Variants in AHCTF1 observed in about 807,000 individuals in gnomAD.
The protein encoded by AHCTF1 is protein ELYS.
AHCTF1 carries 24 observed loss-of-function variants against 248.4 expected under a neutral mutation model. The observed-to-expected ratio is 0.10, with a 90% CI of 0.07 to 0.14. The LOEUF is 0.14. AHCTF1 is among the 10% of genes least tolerant of loss of function. The probability of loss-of-function intolerance (pLI) is 1.00; values close to 1 mark genes in which losing one functional copy is unlikely to be tolerated. For synonymous variants in AHCTF1, 786 were observed against 929.8 expected, an observed-to-expected ratio of 0.85 and a Z score of 2.81; for missense variants, 2,206 against 2,636.2, an observed-to-expected ratio of 0.84 and a Z score of 3.57.
chr1:246,839,663 T>C lies in AHCTF1; in HGVS notation c.*1143A>G. The C allele has an allele frequency of 9.3e-6, 6 of 643,346 alleles. No individual in the cohort carries two copies. The highest frequency in any genetic ancestry group is 1.2e-5 in the Non-Finnish European group (6 of 517,004). The allele number at this position is 643,346 out of a possible 1,614,324, so 39.9% of individuals were successfully genotyped here. On this transcript the variant is annotated 3_prime_UTR_variant, in exon 36 of 36. Transcript: ENST00000648844. ...AAAGCACACTGCATATGCTTCACAT[T>C]AAAATATTAAAAGCCCACGAAAGCA... is the stretch of plus-strand genomic sequence containing the variant.
At position 246,863,951 on chromosome 1, in the gene AHCTF1, A is replaced by T. The variant is rs757739903; in HGVS notation, c.3513T>A (p.His1171Gln). The T allele has an allele frequency of 3.1e-6, 5 of 1,613,884 alleles. No homozygotes were observed. The South Asian group carries it at 5.5e-5, about 18-fold the overall frequency. The change falls in exon 27 of 36, where the codon CAT becomes CAA. Residue 1171 changes from histidine to glutamine, a missense_variant. Physicochemically the swap from His to Gln is conservative, Grantham distance 24. Transcript: ENST00000648844. ...PQAISRASELHLLETPLVVKK... is the reference protein window; with the variant it reads ...PQAISRASELQLLETPLVVKK... ...TAACTACAAGAGGAGTTTCAAGCAAATGTAATTCTGAAGCCCTGGAGATGG... is the reference window on the plus strand; with the variant it reads ...TAACTACAAGAGGAGTTTCAAGCAATTGTAATTCTGAAGCCCTGGAGATGG...
chr1:246,930,983 C>A, intron 1 of AHCTF1: 2 of 1,197,276 alleles, frequency 1.7e-6, no homozygotes, highest in East Asian at 2.8e-5. Flanking sequence ...CAAAAGAAAC[C>A]GTCCTGTTTC....
chr1:246,922,530 A>G (rs1318383273), intron 1 of AHCTF1, among the ~76,000 whole-genome samples: 4 of 150,824 alleles, frequency 2.7e-5, no homozygotes, highest in Admixed American at 2.0e-4. Flanking sequence ...GGCTCTAGCA[A>G]TCTCTCGTCT....
At chr1:246,919,572 G>A (rs1402841461) in intron 1 of AHCTF1, among the ~76,000 whole-genome samples, 2 of 151,910 alleles carry the variant, frequency 1.3e-5, no homozygotes, top group Non-Finnish European at 2.9e-5. Flanking sequence ...AATTAGCCAG[G>A]CATGGTGGCA....
chr1:246,863,221 T>C (rs2103070903), intron 27 of AHCTF1, among the ~76,000 whole-genome samples: 1 of 152,248 alleles, frequency 6.6e-6, no homozygotes, highest in South Asian at 2.1e-4. Context: ...GTATCTTTTA[T>C]TCAACTTGAA....
intron 24 of AHCTF1, among the ~76,000 whole-genome samples, chr1:246,873,156 T>C (rs1239429374): frequency 6.6e-6 from 1 of 152,212 alleles, no homozygotes; most frequent in Non-Finnish European, 1.5e-5. Flanking sequence ...GGATATTACA[T>C]GTTAAGTAAA....
intron 12 of AHCTF1, among the ~76,000 whole-genome samples, chr1:246,897,557 A>G (rs993916211): frequency 2.0e-5 from 3 of 152,224 alleles, no homozygotes; most frequent in South Asian, 2.1e-4. Flanking sequence ...AGTCAACTAC[A>G]TATCAAGGCT....
intron 13 of AHCTF1, among the ~76,000 whole-genome samples, 192 bp downstream of exon 13, chr1:246,895,643 A>C (rs1664521149): frequency 6.6e-6 from 1 of 152,190 alleles, no homozygotes; most frequent in Non-Finnish European, 1.5e-5. Flanking sequence ...TGCTGACTGT[A>C]CTAAAGGTTT....
At chr1:246,892,397 T>C (rs755592653) in intron 14 of AHCTF1, among the ~76,000 whole-genome samples, 1 of 132,496 alleles carries the variant, frequency 7.5e-6, no homozygotes, top group Non-Finnish European at 1.5e-5. Flanking sequence ...CTCCGCTCAC[T>C]GCAACCTCTA....
chr1:246,842,801 T>C, intron 34 of AHCTF1, 25 bp from the exon 35 acceptor site: 1 of 1,584,992 alleles, frequency 6.3e-7, no homozygotes, highest in Non-Finnish European at 8.7e-7. Context: ...TTTTAAAAGG[T>C]TAAGTATTAA....
intron 11 of AHCTF1, among the ~76,000 whole-genome samples, chr1:246,899,175 A>C (rs1664819948): frequency 6.6e-6 from 1 of 151,912 alleles, no homozygotes; most frequent in African/African-American, 2.4e-5. Flanking sequence ...TCTTTGCATT[A>C]CTTCATTTCC....
At chr1:246,844,085 A>G (rs1470012562) in intron 33 of AHCTF1, among the ~76,000 whole-genome samples, 157 bp from the exon 34 acceptor site, 3 of 152,228 alleles carry the variant, frequency 2.0e-5, no homozygotes, top group Non-Finnish European at 4.4e-5. Flanking sequence ...CCATGTTGGC[A>G]GAGAAACGAC....
chr1:246,922,770 C>T (rs923653156), intron 1 of AHCTF1, among the ~76,000 whole-genome samples: 1 of 150,772 alleles, frequency 6.6e-6, no homozygotes, highest in South Asian at 2.1e-4. Context: ...ATCACGAGGT[C>T]AGGAGATCGA....
chr1:246,885,418 C>A, intron 21 of AHCTF1, 75 bp downstream of exon 21: 1 of 1,274,214 alleles, frequency 7.8e-7, no homozygotes, highest in South Asian at 1.6e-5. Flanking sequence ...TTGTATATTG[C>A]CACTGTCTAT....
At position 246,877,003 on chromosome 1, in the gene AHCTF1, C is replaced by T; in HGVS notation, c.2884G>A (p.Ala962Thr). 6.2e-7 allele frequency: 1 copy of T among 1,612,116 alleles called. No individual in the cohort carries two copies. Among genetic ancestry groups the T allele is most frequent in the Non-Finnish European group, 8.5e-7 (1 of 1,179,930 alleles). Residue 962 changes from alanine (A) to threonine (T), a missense_variant, in exon 23 of 36, where the codon GCC becomes ACC. Physicochemically the swap from Ala to Thr is moderately conservative, Grantham distance 58. Around this residue, in one of 6 missense-constraint regions of AHCTF1, gnomAD observed 955 missense variants for 1,055.6 expected, o/e 0.90. Coordinates refer to ENST00000648844, the MANE Select transcript of AHCTF1 (RefSeq NM_001323342.2). Reference sequence around the variant, plus strand: ...AGCTTCAAGGCAGGCACATAATTGGCACGCTGCAAATGGTGCACTAAAAGG... The same window carrying T: ...AGCTTCAAGGCAGGCACATAATTGGTACGCTGCAAATGGTGCACTAAAAGG... ...EFLLVHHLQR[A>T]NYVPALKLNQ...
chr1:246,870,878 G>A (rs1042177554), intron 24 of AHCTF1, among the ~76,000 whole-genome samples: 25 of 152,182 alleles, frequency 1.6e-4, no homozygotes, highest in South Asian at 2.1e-4. Context: ...TTCCCAATTC[G>A]GGTATTTTAA....
At chr1:246,855,053 A>G (rs572593939) in intron 31 of AHCTF1, among the ~76,000 whole-genome samples, 70 of 152,366 alleles carry the variant, frequency 4.6e-4, no homozygotes, top group African/African-American at 1.6e-3. Context: ...AGCTTGCCGT[A>G]TACCCCATTC....
chr1:246,846,727 T>C (rs1261434581), intron 33 of AHCTF1, among the ~76,000 whole-genome samples: 1 of 151,740 alleles, frequency 6.6e-6, no homozygotes, highest in African/African-American at 2.4e-5. Context: ...TTGAAATATA[T>C]ATACATATAC....
At chr1:246,890,933 T>A in intron 16 of AHCTF1, 23 bp downstream of exon 16, 1 of 1,412,244 alleles carries the variant, frequency 7.1e-7, no homozygotes, top group East Asian at 2.5e-5. Context: ...AATTAATACT[T>A]ATAGATTAAG....
Sources: gnomAD v4.1 joint callset for allele counts (sites outside exome capture counted in the v4.1 genomes callset) on GRCh38, gnomAD v4.1.1 for gene constraint, gnomAD v4.1.1 regional missense constraint, MANE v1.5 for transcripts, NCBI Gene and HGNC (gene_info 2026-07-23, HGNC 2026-07-21) for gene names.